Variants in NRXN3 observed in about 807,000 individuals in gnomAD.
NRXN3 encodes neurexin III.
NRXN3 carries 32 observed loss-of-function variants against 137.6 expected under a neutral mutation model. The ratio of observed to expected loss-of-function variants is 0.23; its 90% CI spans 0.18 to 0.31. The LOEUF (loss-of-function observed/expected upper bound fraction) is 0.31, where lower values mean the gene tolerates loss of function less well. Among genes scored for constraint, NRXN3 ranks in the 10% least tolerant of loss-of-function variants. The probability of loss-of-function intolerance (pLI) is 1.00; values close to 1 mark genes in which losing one functional copy is unlikely to be tolerated. For missense variants in NRXN3, 1,574 were observed against 2,062.5 expected, an observed-to-expected ratio of 0.76 and a Z score of 4.59; for synonymous variants, 798 against 784.5, an observed-to-expected ratio of 1.02 and a Z score of -0.29.
At chr14:78,506,889 G>A (rs1443040292) in intron 4 of NRXN3, among the ~76,000 whole-genome samples, 2 of 151,918 alleles carry the variant, frequency 1.3e-5, no homozygotes, top group Admixed American at 6.6e-5. Flanking sequence ...TGATCATCTT[G>A]TATATAATTG....
At chr14:79,105,930 C>G (rs1393648000) in intron 15 of NRXN3, among the ~76,000 whole-genome samples, 2 of 152,094 alleles carry the variant, frequency 1.3e-5, no homozygotes, top group African/African-American at 4.8e-5. Flanking sequence ...ATTACTACTA[C>G]TACTTTTCTG....
chr14:78,475,539 T>C (rs1298877420), intron 4 of NRXN3, among the ~76,000 whole-genome samples: 2 of 152,184 alleles, frequency 1.3e-5, no homozygotes, highest in Non-Finnish European at 2.9e-5. Flanking sequence ...GTATTGATAG[T>C]AAAACAGTCT....
intron 10 of NRXN3, among the ~76,000 whole-genome samples, chr14:78,870,961 T>A (rs903307765): frequency 8.6e-5 from 13 of 151,446 alleles, no homozygotes; most frequent in African/African-American, 3.2e-4. Context: ...TCCATTCATC[T>A]ACTGATGGAT....
At chr14:78,566,765 G>T (rs1398125256) in intron 4 of NRXN3, among the ~76,000 whole-genome samples, 1 of 152,170 alleles carries the variant, frequency 6.6e-6, no homozygotes, top group East Asian at 1.9e-4. Flanking sequence ...TGGGAAGAAA[G>T]CTTTACTCGG....
At chr14:78,794,937 C>A (rs370573138) in intron 8 of NRXN3, among the ~76,000 whole-genome samples, 6,046 of 142,336 alleles carry the variant, frequency 0.042, 175 homozygotes, top group Non-Finnish European at 0.056. Context: ...AACAAACAAA[C>A]AAAAAAAAAA....
intron 16 of NRXN3, among the ~76,000 whole-genome samples, chr14:79,495,438 C>A (rs1404866016): frequency 6.6e-6 from 1 of 150,778 alleles, no homozygotes; most frequent in Non-Finnish European, 1.5e-5. Flanking sequence ...TTTTTTTTTT[C>A]TTTTTGAAAG....
intron 4 of NRXN3, among the ~76,000 whole-genome samples, chr14:78,396,258 C>T (rs2091445052): frequency 6.6e-6 from 1 of 152,060 alleles, no homozygotes; most frequent in East Asian, 1.9e-4. Context: ...TTATGTAATC[C>T]TCCCTTTATG....
chr14:78,533,687 C>T (rs921644979), intron 4 of NRXN3, among the ~76,000 whole-genome samples: 3 of 152,196 alleles, frequency 2.0e-5, no homozygotes, highest in East Asian at 3.9e-4. Flanking sequence ...TCTTAGTTAA[C>T]TCGTGGTCAT....
In NRXN3 at chr14:78,967,192, T is replaced by A. The variant is rs1306719247; in HGVS notation, c.2778-16T>A. 6.3e-7 allele frequency: 1 copy of A among 1,582,048 alleles called. No individual in the cohort carries two copies. The highest frequency in any genetic ancestry group is 8.6e-7 in the Non-Finnish European group (1 of 1,166,856). ...GGGATTTTCCAATTATTGTTTTTTT[T>A]TTTTTTTCTTCCTAGGTATATACAC... On this transcript the variant is annotated splice_polypyrimidine_tract_variant and intron_variant, in intron 12 of 20. Coordinates refer to ENST00000335750, the MANE Select transcript of NRXN3 (RefSeq NM_001330195.2).
chr14:79,217,346 C>A (rs1332447215), intron 15 of NRXN3, among the ~76,000 whole-genome samples: 1 of 152,026 alleles, frequency 6.6e-6, no homozygotes, highest in African/African-American at 2.4e-5. Flanking sequence ...TCTCAAACAA[C>A]CAGATCTCAT....
chr14:79,080,634 T>C (rs1026466431), intron 15 of NRXN3, among the ~76,000 whole-genome samples: 2 of 152,208 alleles, frequency 1.3e-5, no homozygotes, highest in African/African-American at 4.8e-5. Context: ...CCTCACCAGC[T>C]TCCTTTGCTT....
At chr14:78,434,710 A>C (rs1366472230) in intron 4 of NRXN3, among the ~76,000 whole-genome samples, 1 of 152,184 alleles carries the variant, frequency 6.6e-6, no homozygotes, top group East Asian at 1.9e-4. Context: ...ATGTGAGGAC[A>C]GCTATGATGA....
chr14:78,904,319 A>G (rs565738361), intron 10 of NRXN3, among the ~76,000 whole-genome samples: 12 of 152,128 alleles, frequency 7.9e-5, no homozygotes, highest in Middle Eastern at 3.4e-3. Context: ...GCTGCTAAAT[A>G]TCTCAGAGTA....
At chr14:78,609,362 A>T (rs1042529656) in intron 4 of NRXN3, among the ~76,000 whole-genome samples, 16 of 152,172 alleles carry the variant, frequency 1.1e-4, no homozygotes, top group Admixed American at 3.3e-4. Context: ...CTAATGAAAG[A>T]TGTTATTAAT....
chr14:79,115,911 A>C (rs2054353848), intron 15 of NRXN3, among the ~76,000 whole-genome samples: 1 of 152,174 alleles, frequency 6.6e-6, no homozygotes, highest in African/African-American at 2.4e-5. Context: ...AGTGCTTTGC[A>C]TGCCATCTTA....
intron 4 of NRXN3, among the ~76,000 whole-genome samples, chr14:78,476,986 A>G (rs1437439071): frequency 6.6e-6 from 1 of 152,114 alleles, no homozygotes; most frequent in East Asian, 1.9e-4. Flanking sequence ...CAGCCAGTGG[A>G]AATGCCCTTA....
intron 10 of NRXN3, among the ~76,000 whole-genome samples, chr14:78,903,724 T>C (rs980854881): frequency 2.6e-5 from 4 of 152,070 alleles, no homozygotes; most frequent in African/African-American, 9.7e-5. Context: ...CATACTTATA[T>C]GACTTTTTGG....
At chr14:79,680,443 T>TTG (rs112213664) in intron 17 of NRXN3, among the ~76,000 whole-genome samples, 33,904 of 150,256 alleles carry the variant, frequency 0.23, 5,323 homozygotes, top group African/African-American at 0.45. Context: ...GTAGGACTGT[T>TTG]TGTGTGTGTG....
At chr14:79,557,447 A>C (rs111397490) in intron 16 of NRXN3, among the ~76,000 whole-genome samples, 4 of 152,242 alleles carry the variant, frequency 2.6e-5, no homozygotes, top group African/African-American at 9.6e-5. Flanking sequence ...GTCAGTATTC[A>C]TATTAGGCAG....
Sources: gnomAD v4.1 joint callset for allele counts (sites outside exome capture counted in the v4.1 genomes callset) on GRCh38, gnomAD v4.1.1 for gene constraint, MANE v1.5 for transcripts, NCBI Gene and HGNC (gene_info 2026-07-23, HGNC 2026-07-21) for gene names.